ERCC1: variants seen among roughly 807,000 people sequenced by gnomAD.
ERCC1 encodes DNA excision repair protein ERCC-1.
Under a neutral mutation model 37.6 loss-of-function variants are expected in ERCC1, and 36 were observed. The observed-to-expected ratio is 0.96, with a 90% CI of 0.73 to 1.26. The LOEUF (loss-of-function observed/expected upper bound fraction) is 1.26, where lower values mean the gene tolerates loss of function less well. ERCC1 is among the 50% of genes most tolerant of loss of function. The pLI is 0.00. For synonymous variants in ERCC1, 156 were observed against 162.1 expected, an observed-to-expected ratio of 0.96 and a Z score of 0.28; for missense variants, 349 against 376.5, an observed-to-expected ratio of 0.93 and a Z score of 0.60.
Position 45,443,110 on chromosome 19 carries a change from G to A in ERCC1, c.-7-19729C>T, listed in dbSNP as rs1302593665. Among the ~76,000 whole-genome samples, 4 of 152,302 alleles carry A rather than the reference G, an allele frequency of 2.6e-5. No individual in the cohort carries two copies. In the South Asian group the frequency reaches 6.2e-4, roughly 24 times the overall value. ...ACCAGGGACTCAGGAGCTGAGGGAT[G>A]TGTGGTGCCCTCTGCACTAGGGAGG... On this transcript the variant is annotated intron_variant, in intron 1 of 8. Coordinates refer to the ERCC1 transcript ENST00000423698.
intron 1 of ERCC1, among the ~76,000 whole-genome samples, chr19:45,442,613 A>T (rs1370908712): frequency 6.6e-6 from 1 of 152,044 alleles, no homozygotes; most frequent in East Asian, 1.9e-4. Context: ...TGTCCTTTTG[A>T]GGGCCCGGTT....
At chr19:45,429,687 G>A (rs1974786650) in intron 1 of ERCC1, among the ~76,000 whole-genome samples, 1 of 152,130 alleles carries the variant, frequency 6.6e-6, no homozygotes, top group Non-Finnish European at 1.5e-5. Flanking sequence ...CTTGCATACT[G>A]TTCCCATTCC....
At chr19:45,436,067 A>G (rs766389288) in intron 1 of ERCC1, among the ~76,000 whole-genome samples, 8 of 151,826 alleles carry the variant, frequency 5.3e-5, no homozygotes, top group South Asian at 4.2e-4. Flanking sequence ...TGCCCAGCCT[A>G]TTTTTTTTAA....
chr19:45,419,465 A>G, intron 4 of ERCC1: 1 of 455,984 alleles, frequency 2.2e-6, no homozygotes, highest in Non-Finnish European at 4.1e-6. Flanking sequence ...CTTGGGCTTC[A>G]AGGGGAGAAC....
At position 45,409,000 on chromosome 19, in the gene ERCC1, G is replaced by A. The variant is rs199895540; in HGVS notation, c.*675C>T. 4.3e-5 allele frequency: 69 copies of A among 1,614,032 alleles called. No individual in the cohort carries two copies. Among genetic ancestry groups the A allele is most frequent in the Middle Eastern group, 3.3e-4 (2 of 6,062 alleles). On this transcript the variant is annotated 3_prime_UTR_variant, in exon 10 of 10. Transcript: ENST00000300853. Reference sequence around the variant, plus strand: ...AGATGGCAATGATGGAGCCAGGGACGGAGGCGATGGAGCCAGTGGAGCCGG... The same window carrying A: ...AGATGGCAATGATGGAGCCAGGGACAGAGGCGATGGAGCCAGTGGAGCCGG...
At chr19:45,429,461 A>C (rs1488310176) in intron 1 of ERCC1, among the ~76,000 whole-genome samples, 1 of 152,112 alleles carries the variant, frequency 6.6e-6, no homozygotes, top group Non-Finnish European at 1.5e-5. Flanking sequence ...ACTCCATCTC[A>C]AAAAAAGAAA....
rs1401064533 is a variant in ERCC1, at chr19:45,423,893, G to T, written c.-120C>A. The T allele has an allele frequency of 5.4e-6, 6 of 1,104,858 alleles. No homozygotes were observed. Among genetic ancestry groups the T allele is most frequent in the Admixed American group, 4.6e-5 (1 of 21,954 alleles). The allele number at this position is 1,104,858 out of a possible 1,614,324, so 68.4% of individuals were successfully genotyped here. A position where few individuals can be genotyped will look rare whatever the true frequency, so the allele number is the denominator to read the frequency against. ...GCGGCCCACTGCCAGCACGGCCAGCGTGGCCCAGGGCTCGCAGCACTTCCG... is the reference window on the plus strand; with the variant it reads ...GCGGCCCACTGCCAGCACGGCCAGCTTGGCCCAGGGCTCGCAGCACTTCCG... On this transcript the variant is annotated 5_prime_UTR_variant, in exon 1 of 10. Transcript: ENST00000300853.
intron 1 of ERCC1, among the ~76,000 whole-genome samples, chr19:45,445,328 A>G (rs1966909702): frequency 6.6e-6 from 1 of 152,192 alleles, no homozygotes; most frequent in Non-Finnish European, 1.5e-5. Flanking sequence ...ATCAACAGGT[A>G]TTTATTGAGC....
rs756285272 is a variant in ERCC1, at chr19:45,408,542, A to C, written c.*1133T>G. 3.1e-6 allele frequency: 5 copies of C among 1,614,072 alleles called. No individual in the cohort carries two copies. Among genetic ancestry groups the C allele is most frequent in the Non-Finnish European group, 3.4e-6 (4 of 1,180,010 alleles). ...GGCCCCAGTCACTCAGGAGGCAGTG[A>C]ATGGGCACGGGGCCCTGGAGGTGGA... On this transcript the variant is annotated 3_prime_UTR_variant, in exon 10 of 10. Coordinates refer to ENST00000300853, the MANE Select transcript of ERCC1 (RefSeq NM_001983.4).
In ERCC1 at chr19:45,407,340, G is replaced by T. The variant is rs761507705; in HGVS notation, c.*2335C>A. ...TTAGAGGTGAGTCACAGAGCACAGT[G>T]AAAGAAACAAGTTTATTGGAAACTA... On this transcript the variant is annotated 3_prime_UTR_variant, in exon 10 of 10. Transcript: ENST00000300853. The T allele has an allele frequency of 3.5e-6, 4 of 1,127,388 alleles. No homozygotes were observed. Among genetic ancestry groups the T allele is most frequent in the Non-Finnish European group, 5.1e-6 (4 of 790,582 alleles). 69.8% of individuals were successfully genotyped at this position (1,127,388 alleles called of 1,614,324 possible).
chr19:45,427,429 T>C (rs1555789913), upstream of ERCC1, among the ~76,000 whole-genome samples: 1 of 151,212 alleles, frequency 6.6e-6, no homozygotes, highest in Non-Finnish European at 1.5e-5. Context: ...GCCAAGATGA[T>C]GAAACCTTGT....
intron 1 of ERCC1, among the ~76,000 whole-genome samples, chr19:45,436,398 G>A (rs1011194409): frequency 1.5e-4 from 23 of 152,256 alleles, no homozygotes; most frequent in Admixed American, 7.2e-4. Flanking sequence ...AGGCCGAGGC[G>A]GGCGGATCAC....
At chr19:45,427,782 T>C (rs1306504598), upstream of ERCC1, among the ~76,000 whole-genome samples, 1 of 152,148 alleles carries the variant, frequency 6.6e-6, no homozygotes, top group Non-Finnish European at 1.5e-5. Flanking sequence ...AAGGGGGCGA[T>C]GGTGCACCAC....
In ERCC1 at chr19:45,423,290, C is replaced by G. The variant is rs1203496697; in HGVS notation, c.85G>C (p.Asp29His). Residue 29 changes from aspartate to histidine, a missense_variant, in exon 2 of 10, where the codon GAT (aspartate) becomes CAT (histidine). Asp to His is a moderately conservative substitution (Grantham distance 81). Transcript: ENST00000300853. ...CCTACCACTCCAGGAGGGACCTCAT[C>G]CTCGTCGAGGGGTATCACAAATTTC... ...RKKFVIPLDE[D>H]EVPPGVAKPL... is the part of the protein sequence containing the mutation. 6.2e-7 allele frequency: 1 copy of G among 1,613,702 alleles called. No individual in the cohort carries two copies. Among genetic ancestry groups the G allele is most frequent in the Non-Finnish European group, 8.5e-7 (1 of 1,179,880 alleles).
chr19:45,418,696 G>A (rs1212123325), intron 5 of ERCC1, among the ~76,000 whole-genome samples: 1 of 150,314 alleles, frequency 6.7e-6, no homozygotes, highest in Non-Finnish European at 1.5e-5. Context: ...GGTGGTGCAT[G>A]CCTATAATCC....
chr19:45,433,567 A>T (rs1974890401), intron 1 of ERCC1, among the ~76,000 whole-genome samples: 1 of 152,070 alleles, frequency 6.6e-6, no homozygotes. Flanking sequence ...GCACGGATGT[A>T]ATCCCAGCTA....
upstream of ERCC1, among the ~76,000 whole-genome samples, chr19:45,428,743 G>A (rs2123563714): frequency 6.6e-6 from 1 of 152,324 alleles, no homozygotes; most frequent in Middle Eastern, 3.4e-3. Flanking sequence ...CTCTGGAAGC[G>A]GGCACCGCCG....
chr19:45,432,941 A>T (rs1009996417), intron 1 of ERCC1, among the ~76,000 whole-genome samples: 5 of 152,158 alleles, frequency 3.3e-5, no homozygotes, highest in Non-Finnish European at 7.4e-5. Context: ...TTAGCCGGGC[A>T]TGGTGGCACA....
intron 1 of ERCC1, among the ~76,000 whole-genome samples, chr19:45,439,943 C>G (rs1012824165): frequency 2.6e-5 from 4 of 152,178 alleles, no homozygotes; most frequent in African/African-American, 9.7e-5. Context: ...AAATAGTTGC[C>G]GCGCTCCGAG....
Sources: allele counts gnomAD v4.1 joint callset (sites outside exome capture counted in the v4.1 genomes callset), GRCh38; gene constraint gnomAD v4.1.1; transcripts MANE v1.5; gene names NCBI Gene and HGNC (gene_info 2026-07-23, HGNC 2026-07-21).